SLC9A9: variants seen among roughly 807,000 people sequenced by gnomAD.
The protein encoded by SLC9A9 is sodium/hydrogen exchanger 9.
In SLC9A9, 62 loss-of-function variants were observed where a neutral mutation model predicts 77.8. The observed-to-expected ratio is 0.80, with a 90% CI of 0.65 to 0.98. The LOEUF is 0.98. Ranked by LOEUF, SLC9A9 falls within the 50% of genes least tolerant of loss-of-function variation. The pLI is 0.00. For synonymous variants in SLC9A9, 320 were observed against 283.5 expected (o/e 1.13, Z -1.29); for missense variants, 775 against 774.9 (o/e 1.00, Z 0.00).
At chr3:143,757,748 G>T (rs921365752) in intron 4 of SLC9A9, among the ~76,000 whole-genome samples, 1 of 152,048 alleles carries the variant, frequency 6.6e-6, no homozygotes, top group Middle Eastern at 3.4e-3. Context: ...GTTTCACCTC[G>T]TATTTTTGCT....
chr3:143,488,166 T>G (rs1226246110), intron 11 of SLC9A9, among the ~76,000 whole-genome samples: 2 of 151,878 alleles, frequency 1.3e-5, no homozygotes, highest in Non-Finnish European at 3.0e-5. Context: ...AATGGATACC[T>G]TCCTAGAAAT....
chr3:143,396,828 A>G (rs1023755339), intron 12 of SLC9A9, among the ~76,000 whole-genome samples: 2 of 152,160 alleles, frequency 1.3e-5, no homozygotes, highest in African/African-American at 4.8e-5. Flanking sequence ...AGGCTTGTTT[A>G]TGATGGAGGT....
intron 14 of SLC9A9, among the ~76,000 whole-genome samples, chr3:143,303,713 C>G (rs951321161): frequency 6.6e-6 from 1 of 152,216 alleles, no homozygotes; most frequent in Non-Finnish European, 1.5e-5. Flanking sequence ...AATAGCGGAA[C>G]TAGAACTTGA....
At chr3:143,273,255 T>A (rs1937947739) in intron 14 of SLC9A9, among the ~76,000 whole-genome samples, 1 of 152,196 alleles carries the variant, frequency 6.6e-6, no homozygotes, top group Non-Finnish European at 1.5e-5. Context: ...CCATTGCACC[T>A]ATGTGGACTG....
intron 12 of SLC9A9, among the ~76,000 whole-genome samples, chr3:143,398,630 A>G (rs543824325): frequency 6.6e-6 from 1 of 152,202 alleles, no homozygotes; most frequent in South Asian, 2.1e-4. Flanking sequence ...AGCACTTGCA[A>G]TTGGTTACTT....
intron 14 of SLC9A9, among the ~76,000 whole-genome samples, chr3:143,342,078 G>A (rs111307587): frequency 8.6e-4 from 131 of 152,268 alleles, no homozygotes; most frequent in African/African-American, 3.0e-3. Flanking sequence ...GGAGGCAAAG[G>A]TGGAAACGTG....
At chr3:143,302,088 G>C (rs2030547369) in intron 14 of SLC9A9, among the ~76,000 whole-genome samples, 1 of 152,090 alleles carries the variant, frequency 6.6e-6, no homozygotes, top group African/African-American at 2.4e-5. Context: ...CCTCTGCTAG[G>C]GGCTTTAAGA....
At chr3:143,277,474 G>A (rs1160975641) in intron 14 of SLC9A9, among the ~76,000 whole-genome samples, 1 of 152,134 alleles carries the variant, frequency 6.6e-6, no homozygotes, top group Non-Finnish European at 1.5e-5. Context: ...GGGAAGTGTT[G>A]CATCTATGAA....
chr3:143,668,717 G>A (rs999833279), intron 5 of SLC9A9, among the ~76,000 whole-genome samples: 2 of 152,150 alleles, frequency 1.3e-5, no homozygotes, highest in African/African-American at 4.8e-5. Context: ...ATGAATCTCT[G>A]AAGGTCACCC....
intron 12 of SLC9A9, among the ~76,000 whole-genome samples, chr3:143,432,866 T>TC (rs1428025140): frequency 6.6e-6 from 1 of 152,134 alleles, no homozygotes; most frequent in East Asian, 1.9e-4. Flanking sequence ...GACCTCATGA[T>TC]CCCCCCACCT....
chr3:143,441,361 A>T (rs565413677), intron 12 of SLC9A9, among the ~76,000 whole-genome samples: 4 of 152,214 alleles, frequency 2.6e-5, no homozygotes, highest in Non-Finnish European at 4.4e-5. Flanking sequence ...TGGGAAGTGT[A>T]CTTATGAATA....
chr3:143,715,493 T>G (rs573703419), intron 4 of SLC9A9, among the ~76,000 whole-genome samples: 1 of 152,350 alleles, frequency 6.6e-6, no homozygotes, highest in African/African-American at 2.4e-5. Flanking sequence ...TATTAAAAGC[T>G]TTTATAATGC....
intron 4 of SLC9A9, among the ~76,000 whole-genome samples, chr3:143,767,525 T>C (rs1385412119): frequency 6.6e-6 from 1 of 152,102 alleles, no homozygotes; most frequent in East Asian, 1.9e-4. Flanking sequence ...CTCTGGCCAG[T>C]GACTCACCTC....
At chr3:143,746,347 G>T (rs1019951762) in intron 4 of SLC9A9, among the ~76,000 whole-genome samples, 1 of 152,074 alleles carries the variant, frequency 6.6e-6, no homozygotes, top group Non-Finnish European at 1.5e-5. Context: ...TACTTTCCTA[G>T]GTTCTCTTTT....
intron 6 of SLC9A9, among the ~76,000 whole-genome samples, chr3:143,645,287 G>A (rs1169204427): frequency 6.6e-6 from 1 of 152,022 alleles, no homozygotes; most frequent in Non-Finnish European, 1.5e-5. Flanking sequence ...GTTACCAAGA[G>A]AAAAAATGGA....
At chr3:143,604,482 G>T (rs1476814924) in intron 6 of SLC9A9, among the ~76,000 whole-genome samples, 1 of 152,200 alleles carries the variant, frequency 6.6e-6, no homozygotes, top group African/African-American at 2.4e-5. Context: ...AGTGAGAGAA[G>T]ATGACTCCTG....
chr3:143,629,210 T>C (rs2038380851), intron 6 of SLC9A9, among the ~76,000 whole-genome samples: 1 of 152,182 alleles, frequency 6.6e-6, no homozygotes, highest in Admixed American at 6.6e-5. Flanking sequence ...TATCAATTAA[T>C]AGACAATCAT....
intron 9 of SLC9A9, among the ~76,000 whole-genome samples, chr3:143,537,725 G>A (rs569487326): frequency 2.8e-4 from 42 of 152,262 alleles, no homozygotes; most frequent in South Asian, 1.2e-3. Flanking sequence ...GGTCACTTGT[G>A]TTCCCAGGGA....
intron 9 of SLC9A9, among the ~76,000 whole-genome samples, chr3:143,507,369 G>A (rs992907084): frequency 6.6e-5 from 10 of 151,938 alleles, no homozygotes; most frequent in African/African-American, 1.2e-4. Context: ...CACAGCGCCC[G>A]GCTAATTTTT....
Sources: allele counts gnomAD v4.1 joint callset (sites outside exome capture counted in the v4.1 genomes callset), GRCh38; gene constraint gnomAD v4.1.1; transcripts MANE v1.5; gene names NCBI Gene and HGNC (gene_info 2026-07-23, HGNC 2026-07-21).